KDM5A: variants seen among roughly 807,000 people sequenced by gnomAD.
KDM5A encodes the protein lysine demethylase 5A.
Under a neutral mutation model 193.5 loss-of-function variants are expected in KDM5A, and 42 were observed. The ratio of observed to expected loss-of-function variants is 0.22; its 90% CI spans 0.17 to 0.28. KDM5A has a LOEUF of 0.28. Among genes scored for constraint, KDM5A ranks in the 10% least tolerant of loss-of-function variants. The pLI is 1.00. For missense variants in KDM5A, 1,692 were observed against 2,055.1 expected (o/e 0.82, Z 3.42); for synonymous variants, 796 against 718.1 (o/e 1.11, Z -1.73).
Position 389,043 on chromosome 12 carries a change from G to A in KDM5A, c.49C>T (p.Pro17Ser), listed in dbSNP as rs1298936193. ...GGYAAEFVPP[P>S]ECPVFEPSWE... ...CTCGGCTCAAAGACGGGGCACTCTG[G>A]CGGTGGCACGAACTCCGCCGCGTAG... The change falls in exon 1 of 28, where the codon CCA becomes TCA. Residue 17 changes from proline (P) to serine (S), a missense_variant. Pro to Ser is a moderately conservative substitution (Grantham distance 74). Around this residue, in one of 11 missense-constraint regions of KDM5A, gnomAD observed 84 missense variants for 68.2 expected, o/e 1.23. Transcript: ENST00000399788. The A allele has an allele frequency of 3.1e-6, 5 of 1,613,766 alleles. No individual in the cohort carries two copies. Among genetic ancestry groups the A allele is most frequent in the Non-Finnish European group, 4.2e-6 (5 of 1,179,906 alleles).
At chr12:332,622 G>C (rs1176707131) in intron 12 of KDM5A, among the ~76,000 whole-genome samples, 1 of 152,118 alleles carries the variant, frequency 6.6e-6, no homozygotes, top group African/African-American at 2.4e-5. Flanking sequence ...GGTATTTGCA[G>C]TATATTTTTA....
intron 5 of KDM5A, among the ~76,000 whole-genome samples, chr12:357,341 A>AAAT (rs1301515110): frequency 6.6e-6 from 1 of 151,230 alleles, no homozygotes; most frequent in East Asian, 1.9e-4. Context: ...TTTCTACCAA[A>AAAT]AAAAAAAAAA....
In KDM5A at chr12:307,430, A is replaced by C. The variant is rs1221524172; in HGVS notation, c.3930+24T>G. The C allele has an allele frequency of 6.2e-7, 1 of 1,608,606 alleles. No homozygotes were observed. Among genetic ancestry groups the C allele is most frequent in the South Asian group, 1.1e-5 (1 of 90,938 alleles). On this transcript the variant is annotated intron_variant, in intron 23 of 27. Transcript: ENST00000399788. This position sits in a 1 kb window ranked among gnomAD's most constrained non-coding sequence, Gnocchi z 4.3. The stretch of plus-strand genomic sequence containing the variant: ...CACTGACATATCCCATGAAATAGAA[A>C]AAGAATGTAAATCCTAAACTTGCCT...
rs1209434202 is a variant in KDM5A, at chr12:389,213, C to T, written c.-122G>A. 4.3e-6 allele frequency: 4 copies of T among 933,096 alleles called. No homozygotes were observed. The Admixed American group carries it at 5.3e-5, about 12-fold the overall frequency. 57.8% of individuals were successfully genotyped at this position (933,096 alleles called of 1,614,324 possible). Reference sequence around the variant, plus strand: ...CGAAGCGCATCTTCGCGGACAAGAACCGTTCAACACAGAAACCCCAGAATC... The same window carrying T: ...CGAAGCGCATCTTCGCGGACAAGAATCGTTCAACACAGAAACCCCAGAATC... On this transcript the variant is annotated 5_prime_UTR_variant, in exon 1 of 28. Transcript: ENST00000399788.
rs750325770 is a variant in KDM5A, at chr12:313,182, A to T, written c.2910T>A (p.Ser970Arg). The change falls in exon 20 of 28, where the codon AGT becomes AGA. Residue 970 changes from serine to arginine, a missense_variant. By Grantham distance (110) the Ser-to-Arg change is moderately radical (BLOSUM62 -1). This residue lies in a region of KDM5A where 965 missense variants were observed against 1,061.0 expected (regional missense o/e 0.91). Transcript: ENST00000399788. ...TCACAATGCTTTCTAAACTTGCCAC[A>T]CTGTGCCTCGGTCTAAAAGAACAAT... is the stretch of plus-strand genomic sequence containing the variant. ...KVCLQARPRHSVASLESIVNE... is the reference protein window; with the variant it reads ...KVCLQARPRHRVASLESIVNE... 9 of 1,614,122 alleles carry T rather than the reference A, an allele frequency of 5.6e-6. No individual in the cohort carries two copies. The highest frequency in any genetic ancestry group is 7.6e-6 in the Non-Finnish European group (9 of 1,179,972).
intron 10 of KDM5A, among the ~76,000 whole-genome samples, chr12:339,533 G>C (rs1943975131): frequency 6.6e-6 from 1 of 152,114 alleles, no homozygotes; most frequent in South Asian, 2.1e-4. Context: ...TTAATACTTT[G>C]GTTGATGTCT....
intron 19 of KDM5A, among the ~76,000 whole-genome samples, chr12:315,577 A>C (rs1211916874): frequency 6.6e-6 from 1 of 152,096 alleles, no homozygotes; most frequent in East Asian, 1.9e-4. Context: ...TCTCCATCTC[A>C]AAAAAAGGCA....
At chr12:292,379 AT>A in intron 27 of KDM5A, among the ~76,000 whole-genome samples, 1 of 152,076 alleles carries the variant, frequency 6.6e-6, no homozygotes, top group South Asian at 2.1e-4. Context: ...CTGGCCCAGG[AT>A]TTTTTTCAGG....
intron 22 of KDM5A, among the ~76,000 whole-genome samples, chr12:308,598 T>C (rs1943543387): frequency 6.6e-6 from 1 of 152,234 alleles, no homozygotes; most frequent in South Asian, 2.1e-4. Flanking sequence ...TGAAACTCAT[T>C]TTAACAAAGT....
intron 20 of KDM5A, among the ~76,000 whole-genome samples, chr12:312,292 C>A (rs916396481): frequency 2.0e-5 from 3 of 152,108 alleles, no homozygotes; most frequent in Non-Finnish European, 4.4e-5. Flanking sequence ...TACTTTTATA[C>A]CCTATTTTGT....
intron 13 of KDM5A, among the ~76,000 whole-genome samples, chr12:330,507 A>G (rs921862614): frequency 2.6e-5 from 4 of 152,184 alleles, no homozygotes; most frequent in Non-Finnish European, 2.9e-5. Flanking sequence ...TCAAATACCA[A>G]TAACAGAGAG....
chr12:384,169 T>C lies in KDM5A; in HGVS notation c.244-16A>G, dbSNP rs1422742680. 2 of 1,567,418 alleles carry C rather than the reference T, an allele frequency of 1.3e-6. No homozygotes were observed. Among genetic ancestry groups the C allele is most frequent in the East Asian group, 2.2e-5 (1 of 44,608 alleles). Reference sequence around the variant, plus strand: ...TGGTCATTGCCTAAGATTATTAAAATACAGAAGAACTAAGTTATGATTGAA... The same window carrying C: ...TGGTCATTGCCTAAGATTATTAAAACACAGAAGAACTAAGTTATGATTGAA... On this transcript the variant is annotated splice_polypyrimidine_tract_variant and intron_variant, in intron 2 of 27. Transcript: ENST00000399788.
At chr12:367,878 A>G (rs1482893872) in intron 3 of KDM5A, among the ~76,000 whole-genome samples, 1 of 152,076 alleles carries the variant, frequency 6.6e-6, no homozygotes, top group Admixed American at 6.6e-5. Flanking sequence ...AAAAAAAAAA[A>G]AAGTTAAAAG....
chr12:326,883 A>G (rs1041510036), intron 14 of KDM5A, among the ~76,000 whole-genome samples: 7 of 146,498 alleles, frequency 4.8e-5, no homozygotes, highest in Admixed American at 7.1e-5. Flanking sequence ...AAAAAAAAAA[A>G]AAAAAAAAGA....
chr12:366,743 C>T (rs554514214), intron 3 of KDM5A, among the ~76,000 whole-genome samples: 1 of 152,312 alleles, frequency 6.6e-6, no homozygotes, highest in African/African-American at 2.4e-5. Context: ...ATGGTCACAT[C>T]AAGCCAGGCA....
chr12:353,179 C>CA (rs1944184831), intron 8 of KDM5A, among the ~76,000 whole-genome samples: 1 of 151,884 alleles, frequency 6.6e-6, no homozygotes, highest in Non-Finnish European at 1.5e-5. Flanking sequence ...CTTGTCTCTA[C>CA]AAAAAATACA....
chr12:362,929 T>C (rs1193795950), intron 5 of KDM5A, 34 bp downstream of exon 5: 2 of 1,606,296 alleles, frequency 1.2e-6, no homozygotes, highest in Non-Finnish European at 1.7e-6. Flanking sequence ...TACATCTTTA[T>C]TTAAAAATTT....
chr12:281,066 G>C lies in KDM5A; in HGVS notation c.*4390C>G, dbSNP rs1396779579. ...GTTGCCACCAATGTAAATGACAGGGGTTAGGGTGGGTATGGGTGTGGGGAA... is the reference window on the plus strand; with the variant it reads ...GTTGCCACCAATGTAAATGACAGGGCTTAGGGTGGGTATGGGTGTGGGGAA... On this transcript the variant is annotated 3_prime_UTR_variant, in exon 28 of 28. Transcript: ENST00000399788. 4.3e-6 allele frequency: 1 copy of C among 232,636 alleles called. No homozygotes were observed. Among genetic ancestry groups the C allele is most frequent in the African/African-American group, 2.2e-5 (1 of 45,292 alleles). The allele number at this position is 232,636 out of a possible 1,614,324, so 14.4% of individuals were successfully genotyped here.
chr12:280,802 G>C lies in KDM5A; in HGVS notation c.*4654C>G, dbSNP rs898486797. On this transcript the variant is annotated 3_prime_UTR_variant, in exon 28 of 28. Transcript: ENST00000399788. ...CACTGGATTCTTGCTGGAAACAGAA[G>C]GCAGGTGAAATCTTCAGGAATCACT... 8.6e-6 allele frequency: 2 copies of C among 232,964 alleles called. No homozygotes were observed. Among genetic ancestry groups the C allele is most frequent in the Non-Finnish European group, 1.7e-5 (2 of 117,860 alleles). The allele number at this position is 232,964 out of a possible 1,614,324, so 14.4% of individuals were successfully genotyped here.
Sources: gnomAD v4.1 joint callset for allele counts (sites outside exome capture counted in the v4.1 genomes callset) on GRCh38, gnomAD v4.1.1 for gene constraint, gnomAD v4.1.1 regional missense constraint, Gnocchi (gnomAD v3.1) non-coding constraint, MANE v1.5 for transcripts, NCBI Gene and HGNC (gene_info 2026-07-23, HGNC 2026-07-21) for gene names.